NSD1: variants seen among roughly 807,000 people sequenced by gnomAD.
NSD1 encodes histone-lysine N-methyltransferase, H3 lysine-36 specific.
Under a neutral mutation model 242.7 loss-of-function variants are expected in NSD1, and 26 were observed. The observed-to-expected ratio is 0.11, with a 90% CI of 0.08 to 0.15. The LOEUF is 0.15. Ranked by LOEUF, NSD1 falls within the 10% of genes least tolerant of loss-of-function variation. NSD1 has a pLI of 1.00. For synonymous variants in NSD1, 1,106 were observed against 1,178.1 expected, an observed-to-expected ratio of 0.94 and a Z score of 1.25; for missense variants, 2,495 against 3,272.8, an observed-to-expected ratio of 0.76 and a Z score of 5.80.
At chr5:177,273,880 G>T in intron 17 of NSD1, 96 bp downstream of exon 17, 2 of 846,938 alleles carry the variant, frequency 2.4e-6, no homozygotes, top group South Asian at 2.8e-5. Context: ...CACAAGCATA[G>T]TTCGTTTTAG....
chr5:177,139,471 C>T (rs1463449440), intron 2 of NSD1, among the ~76,000 whole-genome samples: 3 of 149,250 alleles, frequency 2.0e-5, no homozygotes, highest in African/African-American at 7.4e-5. Context: ...AGCGGTCAAT[C>T]TTAGAATGCA....
chr5:177,267,820 C>T (rs533010870), intron 15 of NSD1, 102 bp downstream of exon 15: 6 of 1,128,584 alleles, frequency 5.3e-6, no homozygotes, highest in Non-Finnish European at 8.0e-6. Flanking sequence ...CTTAATTACT[C>T]ATGGTACTCC....
intron 13 of NSD1, 77 bp downstream of exon 13, chr5:177,257,228 CTTTTTTT>C (rs373383515): frequency 5.7e-5 from 42 of 739,596 alleles, no homozygotes; most frequent in Non-Finnish European, 6.2e-5. Context: ...TTTTTTCTTT[CTTTTTTT>C]TTTTTTTTTT....
At chr5:177,242,469 GTTT>G (rs1765948994) in intron 8 of NSD1, among the ~76,000 whole-genome samples, 2 of 151,772 alleles carry the variant, frequency 1.3e-5, no homozygotes, top group African/African-American at 4.8e-5. Context: ...ATTTTATCTT[GTTT>G]TACTTCCAAA....
chr5:177,188,027 CT>C (rs1169017015), intron 2 of NSD1, among the ~76,000 whole-genome samples: 1 of 152,166 alleles, frequency 6.6e-6, no homozygotes, highest in East Asian at 1.9e-4. Context: ...TCCTGCCAGT[CT>C]AAGCCTGGAA....
chr5:177,213,554 G>A (rs1334111251), intron 5 of NSD1, among the ~76,000 whole-genome samples: 4 of 151,934 alleles, frequency 2.6e-5, no homozygotes, highest in Non-Finnish European at 5.9e-5. Context: ...TGCAGGCTCC[G>A]CCTCCCGGGT....
intron 2 of NSD1, among the ~76,000 whole-genome samples, chr5:177,182,638 T>C (rs984660207): frequency 2.6e-5 from 4 of 151,882 alleles, no homozygotes; most frequent in Non-Finnish European, 5.9e-5. Context: ...AAAATTTTTA[T>C]TTTATTTTTA....
At chr5:177,264,677 T>C (rs1757273786) in intron 14 of NSD1, 7 of 509,272 alleles carry the variant, frequency 1.4e-5, no homozygotes, top group South Asian at 1.3e-4. Flanking sequence ...CAAATAAAAC[T>C]CCCACTCTTA....
chr5:177,231,293 C>T (rs1765036189), intron 5 of NSD1, among the ~76,000 whole-genome samples: 2 of 152,086 alleles, frequency 1.3e-5, no homozygotes, highest in Admixed American at 1.3e-4. Context: ...CCATGTTCCC[C>T]AGGCTTGTGT....
At chr5:177,139,078 C>T (rs1296847823) in intron 2 of NSD1, among the ~76,000 whole-genome samples, 5 of 151,446 alleles carry the variant, frequency 3.3e-5, no homozygotes, top group South Asian at 2.1e-4. Context: ...GGCAAAACCC[C>T]GTCTCTACTA....
Position 177,209,749 on chromosome 5 carries a change from C to T in NSD1, c.1350C>T (p.Asp450=), listed in dbSNP as rs1260068407. ...RKCIPGSIKL[D]SEEDMPFEDC... is the part of the protein sequence containing the mutation. The stretch of plus-strand genomic sequence containing the variant: ...GTATTCCTGGTTCAATCAAGTTGGA[C>T]AGTGAAGAAGATATGCCATTTGAAG... The change falls in exon 5 of 23, where the codon GAC becomes GAT. Residue 450 remains aspartate (D), a synonymous_variant. Transcript: ENST00000439151. 5 of 1,614,030 alleles carry T rather than the reference C, an allele frequency of 3.1e-6. No homozygotes were observed. The highest frequency in any genetic ancestry group is 1.3e-5 in the African/African-American group (1 of 75,004).
intron 5 of NSD1, among the ~76,000 whole-genome samples, chr5:177,224,326 G>A (rs543517343): frequency 1.3e-5 from 2 of 152,034 alleles, no homozygotes; most frequent in Admixed American, 6.5e-5. Flanking sequence ...AATTAGATTC[G>A]TCTTTCACTT....
chr5:177,245,321 T>G (rs1766194276), intron 9 of NSD1, among the ~76,000 whole-genome samples: 1 of 152,204 alleles, frequency 6.6e-6, no homozygotes, highest in African/African-American at 2.4e-5. Context: ...CAACATGAAC[T>G]TTATCCATTA....
chr5:177,190,857 CG>C (rs1761617952), intron 2 of NSD1, among the ~76,000 whole-genome samples: 1 of 150,156 alleles, frequency 6.7e-6, no homozygotes, highest in Admixed American at 6.6e-5. Context: ...TTAGTAGAGA[CG>C]GGGTTTCACC....
intron 20 of NSD1, chr5:177,288,496 G>A (rs1759516624): frequency 3.1e-6 from 1 of 322,724 alleles, no homozygotes; most frequent in Non-Finnish European, 5.9e-6. Flanking sequence ...TTGATAAGTT[G>A]TTTTTTGTTT....
intron 2 of NSD1, among the ~76,000 whole-genome samples, chr5:177,174,612 G>A (rs1760025001): frequency 6.6e-6 from 1 of 151,724 alleles, no homozygotes; most frequent in African/African-American, 2.4e-5. Flanking sequence ...AGGCTGGAGT[G>A]CAATGGCGTG....
At position 177,210,983 on chromosome 5, in the gene NSD1, T is replaced by A; in HGVS notation, c.2584T>A (p.Ser862Thr). 6.2e-7 allele frequency: 1 copy of A among 1,614,148 alleles called. No homozygotes were observed. The highest frequency in any genetic ancestry group is 1.1e-5 in the South Asian group (1 of 91,084). The change falls in exon 5 of 23, where the codon TCC becomes ACC. Residue 862 changes from serine to threonine, a missense_variant. Ser to Thr is a moderately conservative substitution (Grantham distance 58). Coordinates refer to ENST00000439151, the MANE Select transcript of NSD1 (RefSeq NM_022455.5). ...IETAVVKHVL[S>T]ELKELSYRSL... is the part of the protein sequence containing the mutation. ...AACAGCAGTGGTGAAACATGTTTTA[T>A]CCGAGTTGAAGGAACTCTCTTACAG...
Position 177,211,373 on chromosome 5 carries a change from T to C in NSD1, c.2974T>C (p.Ser992Pro), listed in dbSNP as rs1165823635. 1 of 1,614,126 alleles carries C rather than the reference T, an allele frequency of 6.2e-7. No homozygotes were observed. Among genetic ancestry groups the C allele is most frequent in the South Asian group, 1.1e-5 (1 of 91,084 alleles). ...GGDSALSGEL[S>P]ASLPGLLSDK... ...TGACTCTGCATTATCTGGCGAGTTG[T>C]CTGCTTCCCTACCTGGCTTACTGTC... The change falls in exon 5 of 23, where the codon TCT (serine) becomes CCT (proline). Residue 992 changes from serine to proline, a missense_variant. Ser to Pro is a moderately conservative substitution (Grantham distance 74, BLOSUM62 -1). Around this residue, in one of 19 missense-constraint regions of NSD1, gnomAD observed 426 missense variants for 411.4 expected, o/e 1.04. Transcript: ENST00000439151.
chr5:177,160,009 C>G (rs1758609426), intron 2 of NSD1, among the ~76,000 whole-genome samples: 1 of 152,156 alleles, frequency 6.6e-6, no homozygotes, highest in South Asian at 2.1e-4. Context: ...CCTGCTTCAG[C>G]CTCCTGAGTA....
Sources: allele counts gnomAD v4.1 joint callset (sites outside exome capture counted in the v4.1 genomes callset), GRCh38; gene constraint gnomAD v4.1.1; regional missense constraint gnomAD v4.1.1; transcripts MANE v1.5; gene names NCBI Gene and HGNC (gene_info 2026-07-23, HGNC 2026-07-21).